The following ZNF608 variants were observed in gnomAD, a reference collection of about 807,000 sequenced individuals.
ZNF608 encodes renal carcinoma antigen NY-REN-36.
Under a neutral mutation model 109.0 loss-of-function variants are expected in ZNF608, and 12 were observed. The ratio of observed to expected loss-of-function variants is 0.11; its 90% CI spans 0.07 to 0.18. The LOEUF (loss-of-function observed/expected upper bound fraction) is 0.18. Ranked by LOEUF, ZNF608 falls within the 10% of genes least tolerant of loss-of-function variation. The pLI is 1.00. For synonymous variants in ZNF608, 732 were observed against 717.4 expected (o/e 1.02, Z -0.33); for missense variants, 1,707 against 1,879.3 (o/e 0.91, Z 1.70).
At chr5:124,664,368 T>TG in intron 3 of ZNF608, among the ~76,000 whole-genome samples, 1 of 152,292 alleles carries the variant, frequency 6.6e-6, no homozygotes, top group East Asian at 1.9e-4. Flanking sequence ...AAGTTGAAGT[T>TG]GGGGCTTCCT....
intron 7 of ZNF608, among the ~76,000 whole-genome samples, chr5:124,641,943 A>G (rs911585522): frequency 5.9e-5 from 9 of 152,188 alleles, no homozygotes; most frequent in African/African-American, 1.2e-4. Flanking sequence ...TGAACTCTCA[A>G]AGAGAAGGCC....
chr5:124,711,326 T>G (rs1404121944), intron 2 of ZNF608, among the ~76,000 whole-genome samples: 1 of 152,262 alleles, frequency 6.6e-6, no homozygotes, highest in Non-Finnish European at 1.5e-5. Flanking sequence ...GGAATAACTT[T>G]TCATTTTATA....
intron 2 of ZNF608, among the ~76,000 whole-genome samples, chr5:124,720,997 C>G (rs1205891574): frequency 6.6e-6 from 1 of 152,036 alleles, no homozygotes; most frequent in Non-Finnish European, 1.5e-5. Flanking sequence ...ATGTGGATAA[C>G]AAAGAAATCA....
chr5:124,658,930 C>T (rs544093348), intron 3 of ZNF608, among the ~76,000 whole-genome samples: 1 of 152,244 alleles, frequency 6.6e-6, no homozygotes, highest in East Asian at 1.9e-4. Context: ...GGTATTACCT[C>T]CTAATGGTCA....
chr5:124,701,764 T>C (rs1484523241), intron 2 of ZNF608, among the ~76,000 whole-genome samples: 1 of 152,272 alleles, frequency 6.6e-6, no homozygotes, highest in Admixed American at 6.5e-5. Context: ...CTTTGCTGAA[T>C]ATATAAATAC....
intron 3 of ZNF608, among the ~76,000 whole-genome samples, chr5:124,690,804 C>G (rs1386289929): frequency 6.6e-6 from 1 of 151,872 alleles, no homozygotes; most frequent in Non-Finnish European, 1.5e-5. Context: ...TAAAAAGATT[C>G]CACAGAGTAA....
intron 2 of ZNF608, among the ~76,000 whole-genome samples, chr5:124,739,375 G>C (rs2149901993): frequency 6.6e-6 from 1 of 152,272 alleles, no homozygotes; most frequent in Admixed American, 6.5e-5. Flanking sequence ...CTCTGAACAA[G>C]AGCAAGGTCT....
chr5:124,711,603 TTTAAGCC>T (rs1753491912), intron 2 of ZNF608, among the ~76,000 whole-genome samples: 1 of 152,184 alleles, frequency 6.6e-6, no homozygotes, highest in African/African-American at 2.4e-5. Context: ...TGGGTTGCCG[TTTAAGCC>T]GCCTCACTGT....
intron 2 of ZNF608, chr5:124,734,516 T>C (rs1749056260): frequency 6.6e-6 from 1 of 152,312 alleles, no homozygotes; most frequent in South Asian, 2.1e-4. Context: ...AACACTGGCG[T>C]ACGGAGGGAC....
At chr5:124,666,419 G>C (rs1751481438) in intron 3 of ZNF608, 1 of 152,230 alleles carries the variant, frequency 6.6e-6, no homozygotes, top group Non-Finnish European at 1.5e-5. Context: ...CCTTGTACTA[G>C]CTGAAATACT....
At chr5:124,666,320 A>G (rs1751476992) in intron 3 of ZNF608, 1 of 152,264 alleles carries the variant, frequency 6.6e-6, no homozygotes, top group Non-Finnish European at 1.5e-5. Context: ...TTGTTGGTAC[A>G]GATTATTTTC....
At chr5:124,657,814 A>G (rs987867819) in intron 3 of ZNF608, among the ~76,000 whole-genome samples, 11 of 152,234 alleles carry the variant, frequency 7.2e-5, no homozygotes, top group African/African-American at 2.7e-4. Flanking sequence ...AAAATGTCTT[A>G]GGTGTAATTT....
At chr5:124,689,640 C>A (rs771480929) in intron 3 of ZNF608, among the ~76,000 whole-genome samples, 2 of 152,134 alleles carry the variant, frequency 1.3e-5, no homozygotes, top group Non-Finnish European at 2.9e-5. Context: ...TAAGTACCAG[C>A]AAAGAGGCTC....
chr5:124,679,312 T>C (rs1752090694), intron 3 of ZNF608, among the ~76,000 whole-genome samples: 1 of 152,068 alleles, frequency 6.6e-6, no homozygotes. Context: ...TTGTTTTCAG[T>C]CAGGTTGAAG....
At chr5:124,641,548 G>T in intron 7 of ZNF608, 143 bp from the exon 8 acceptor site, 2 of 972,356 alleles carry the variant, frequency 2.1e-6, no homozygotes, top group Non-Finnish European at 1.4e-6. Flanking sequence ...TAACTAAAGA[G>T]AATTTCAAAA....
upstream of ZNF608, among the ~76,000 whole-genome samples, chr5:124,747,031 T>G (rs1001861340): frequency 7.2e-5 from 11 of 152,042 alleles, no homozygotes; most frequent in African/African-American, 2.7e-4. Context: ...ATGTGATGTT[T>G]TCCTGTCTTA....
intron 3 of ZNF608, among the ~76,000 whole-genome samples, chr5:124,694,142 A>ACTTTTT: frequency 1.6e-5 from 1 of 63,938 alleles, no homozygotes; most frequent in African/African-American, 5.5e-5. Context: ...CGCTCGGCTA[A>ACTTTTT]TTTTTTTTTT....
intron 3 of ZNF608, among the ~76,000 whole-genome samples, chr5:124,695,971 G>C (rs1012486168): frequency 6.6e-6 from 1 of 152,058 alleles, no homozygotes; most frequent in Non-Finnish European, 1.5e-5. Flanking sequence ...ATCACCTGAG[G>C]TCAGGAGTTC....
intron 2 of ZNF608, among the ~76,000 whole-genome samples, chr5:124,716,712 C>T (rs570237150): frequency 6.6e-6 from 1 of 152,296 alleles, no homozygotes; most frequent in African/African-American, 2.4e-5. Flanking sequence ...GCTCTAATAA[C>T]TCTTTAAACT....
Sources: allele counts gnomAD v4.1 joint callset (sites outside exome capture counted in the v4.1 genomes callset), GRCh38; gene constraint gnomAD v4.1.1; transcripts MANE v1.5; gene names NCBI Gene and HGNC (gene_info 2026-07-23, HGNC 2026-07-21).